APEX2: variants seen among roughly 807,000 people sequenced by gnomAD.
APEX2 encodes DNA-(apurinic or apyrimidinic site) endonuclease 2.
A neutral mutation model predicts 16.7 loss-of-function variants in APEX2; 4 were observed. That is an observed-to-expected ratio of 0.24 (90% CI 0.12 to 0.55). The LOEUF (loss-of-function observed/expected upper bound fraction) is 0.55, where lower values mean the gene tolerates loss of function less well. Ranked by LOEUF, APEX2 falls within the 20% of genes least tolerant of loss-of-function variation. The pLI, the probability that APEX2 is intolerant of heterozygous loss-of-function variation, is 0.94. For missense variants in APEX2, 357 were observed against 433.6 expected (o/e 0.82, Z 1.57); for synonymous variants, 181 against 166.9 (o/e 1.08, Z -0.65).
chrX:55,004,479 C>T (rs958593945), intron 5 of APEX2, among the ~76,000 whole-genome samples: 1 of 111,914 alleles, frequency 8.9e-6, no homozygotes, highest in Non-Finnish European at 1.9e-5. Context: ...TCCACATTGC[C>T]TTGGTCATTT....
chrX:55,003,887 G>T lies in APEX2; in HGVS notation c.639+19G>T. The T allele has an allele frequency of 8.3e-7, 1 of 1,202,695 alleles. No homozygotes were observed. Among genetic ancestry groups the T allele is most frequent in the East Asian group, 3.0e-5 (1 of 33,833 alleles). On this transcript the variant is annotated intron_variant, in intron 5 of 5. Coordinates refer to ENST00000374987, the MANE Select transcript of APEX2 (RefSeq NM_014481.4). ...CAACCTGGTAAGGCTCCCTCTAGGT[G>T]CCTGGCCCCACTCCTGACTGATTCT... is the stretch of plus-strand genomic sequence containing the variant.
At chrX:55,002,516 A>G (rs1935457821) in intron 3 of APEX2, 85 bp downstream of exon 3, 2 of 1,046,570 alleles carry the variant, frequency 1.9e-6, no homozygotes, top group Non-Finnish European at 2.5e-6. Context: ...ATGTAAACAT[A>G]CATGCACCGT....
At position 55,003,046 on chromosome X, in the gene APEX2, C is replaced by T. The variant is rs368718814; in HGVS notation, c.507C>T (p.Val169=). 9 of 1,210,605 alleles carry T rather than the reference C, an allele frequency of 7.4e-6. No individual in the cohort carries two copies. In the African/African-American group the frequency reaches 8.7e-5, roughly 12 times the overall value. ...HADPGRPERL[V]FKMRFYRLLQ... is the part of the protein sequence containing the mutation. ...ACCCTGGGAGGCCTGAGCGGCTAGT[C>T]TTTAAGATGCGCTTCTATCGTTTGC... is the stretch of plus-strand genomic sequence containing the variant. The change falls in exon 4 of 6, where the codon GTC becomes GTT. Residue 169 remains valine (V), a synonymous_variant. Coordinates refer to ENST00000374987, the MANE Select transcript of APEX2 (RefSeq NM_014481.4).
rs888992079 is a variant in APEX2 at position 55,003,221 on chromosome X, A to G, written c.569+113A>G. The G allele has an allele frequency of 1.6e-5, 15 of 951,558 alleles. No individual in the cohort carries two copies. The African/African-American group carries it at 2.6e-4, about 16-fold the overall frequency. 78.4% of individuals were successfully genotyped at this position (951,558 alleles called of 1,213,427 possible). ...CTTTGTCTCTGAGTTCTTTCACAGCATAGTTGCAAACACCAATATGCCCAC... is the reference window on the plus strand; with the variant it reads ...CTTTGTCTCTGAGTTCTTTCACAGCGTAGTTGCAAACACCAATATGCCCAC... On this transcript the variant is annotated intron_variant, in intron 4 of 5. Transcript: ENST00000374987.
chrX:55,002,868 C>T lies in APEX2; in HGVS notation c.423-94C>T. ...TCTTTAACCCCTTTCTTTTCCATCC[C>T]AGACAGTCACAAAATGGAAGCCATG... On this transcript the variant is annotated intron_variant, in intron 3 of 5. Coordinates refer to ENST00000374987, the MANE Select transcript of APEX2 (RefSeq NM_014481.4). The T allele has an allele frequency of 2.0e-6, 2 of 1,019,766 alleles. 1 individual carries two copies. The allele number at this position is 1,019,766 out of a possible 1,213,427, so 84.0% of individuals were successfully genotyped here.
intron 3 of APEX2, 93 bp from the exon 4 acceptor site, chrX:55,002,869 A>G: frequency 4.9e-6 from 5 of 1,022,425 alleles, no homozygotes; most frequent in Admixed American, 3.1e-5. Flanking sequence ...TTTCCATCCC[A>G]GACAGTCACA....
At position 55,000,381 on chromosome X, in the gene APEX2, G is replaced by C. The variant is rs780638793; in HGVS notation, c.-42G>C. On this transcript the variant is annotated 5_prime_UTR_variant, in exon 1 of 6. Transcript: ENST00000374987. Reference sequence around the variant, plus strand: ...TCTGAACAGGAAGCAGTTCGCTCGCGCCTAGGTTGGCGCGGGCTGGGAGGT... The same window carrying C: ...TCTGAACAGGAAGCAGTTCGCTCGCCCCTAGGTTGGCGCGGGCTGGGAGGT... The C allele has an allele frequency of 2.6e-5, 29 of 1,116,166 alleles. No homozygotes were observed. In the South Asian group the frequency reaches 5.7e-4, roughly 22 times the overall value. The allele number at this position is 1,116,166 out of a possible 1,213,427, so 92.0% of individuals were successfully genotyped here.
In APEX2 at chrX:55,007,314, G is replaced by A. The variant is rs1462893244; in HGVS notation, c.1436G>A (p.Arg479His). 6 of 1,209,348 alleles carry A rather than the reference G, an allele frequency of 5.0e-6. No individual in the cohort carries two copies. The highest frequency in any genetic ancestry group is 5.9e-5 in the East Asian group (2 of 33,746). The change falls in exon 6 of 6, where the codon CGT becomes CAT. Residue 479 changes from arginine to histidine, a missense_variant. Coordinates refer to ENST00000374987, the MANE Select transcript of APEX2 (RefSeq NM_014481.4). ...CGGHREPCVM[R>H]TVKKPGPNLG... ...GGCCACAGGGAGCCATGTGTGATGC[G>A]TACTGTGAAGAAGCCAGGACCCAAC...
intron 4 of APEX2, among the ~76,000 whole-genome samples, chrX:55,003,492 G>A (rs1368632791): frequency 8.9e-6 from 1 of 112,330 alleles, no homozygotes; most frequent in African/African-American, 3.2e-5. Context: ...GTGGGTTAGA[G>A]CAATCAAGGG....
intron 5 of APEX2, among the ~76,000 whole-genome samples, chrX:55,004,895 G>A (rs950716106): frequency 9.0e-6 from 1 of 111,478 alleles, no homozygotes; most frequent in Admixed American, 9.5e-5. Flanking sequence ...GTAGTGGCAC[G>A]TTCTAAAAGC....
At chrX:55,005,906 G>T (rs1199628053) in intron 5 of APEX2, among the ~76,000 whole-genome samples, 1 of 110,540 alleles carries the variant, frequency 9.0e-6, no homozygotes. Context: ...TTTGTCCCTG[G>T]CATCATGCAT....
rs1399500336 is a variant in APEX2, at chrX:55,002,239, G to T, written c.242-12G>T. ...CTGCCAGGTCTGCTCAGAGTGCCCT[G>T]TCTGTTCCCAGGTGTAGCCACCTTC... On this transcript the variant is annotated splice_polypyrimidine_tract_variant and intron_variant, in intron 2 of 5. Coordinates refer to ENST00000374987, the MANE Select transcript of APEX2 (RefSeq NM_014481.4). 1 of 1,182,571 alleles carries T rather than the reference G, an allele frequency of 8.5e-7. No homozygotes were observed. The highest frequency in any genetic ancestry group is 3.0e-5 in the East Asian group (1 of 33,432).
chrX:55,000,713 T>C (rs1372611070), intron 1 of APEX2, 134 bp downstream of exon 1: 1 of 751,454 alleles, frequency 1.3e-6, no homozygotes, highest in Admixed American at 4.7e-5. Context: ...CCCTTCCCTC[T>C]TAAACTTCCA....
At chrX:55,005,205 G>A (rs1226560969) in intron 5 of APEX2, among the ~76,000 whole-genome samples, 3 of 112,000 alleles carry the variant, frequency 2.7e-5, no homozygotes, top group Admixed American at 1.9e-4. Flanking sequence ...GCTACAAAGT[G>A]TGAGCCTTCA....
chrX:55,000,700 G>C (rs185394253), intron 1 of APEX2, 121 bp downstream of exon 1: 1 of 835,834 alleles, frequency 1.2e-6, no homozygotes, highest in Middle Eastern at 3.0e-4. Flanking sequence ...CTTAGACCCA[G>C]GTCCCTTCCC....
At chrX:55,002,169 T>G in intron 2 of APEX2, 82 bp from the exon 3 acceptor site, 11 of 956,037 alleles carry the variant, frequency 1.2e-5, no homozygotes, top group Non-Finnish European at 1.5e-5. Flanking sequence ...AGATGACTTG[T>G]GTGGGGACAA....
In APEX2 at chrX:55,007,333, A is replaced by G; in HGVS notation, c.1455A>G (p.Gly485=). 1.7e-6 allele frequency: 2 copies of G among 1,207,863 alleles called. No homozygotes were observed. Among genetic ancestry groups the G allele is most frequent in the Non-Finnish European group, 2.2e-6 (2 of 892,829 alleles). ...TGATGCGTACTGTGAAGAAGCCAGG[A>G]CCCAACTTGGGCCGCCGCTTCTACA... ...PCVMRTVKKP[G]PNLGRRFYMC... The change falls in exon 6 of 6, where the codon GGA becomes GGG. Residue 485 remains glycine, a synonymous_variant. Transcript: ENST00000374987.
Position 55,002,965 on chromosome X carries a change from A to G in APEX2, c.426A>G (p.Thr142=), listed in dbSNP as rs750702852. The change falls in exon 4 of 6, where the codon ACA becomes ACG. Residue 142 remains threonine, a synonymous_variant. Transcript: ENST00000374987. ...TGGGGGTTTCTCTTTTCTCCAGCACATGGGAAGGTAAGGAGAAGACCTTGA... is the reference window on the plus strand; with the variant it reads ...TGGGGGTTTCTCTTTTCTCCAGCACGTGGGAAGGTAAGGAGAAGACCTTGA... ...RALLTQHKIR[T]WEGKEKTLTL... The G allele has an allele frequency of 2.5e-6, 3 of 1,209,197 alleles. No individual in the cohort carries two copies. The highest frequency in any genetic ancestry group is 3.4e-6 in the Non-Finnish European group (3 of 894,054).
chrX:55,001,513 C>T, intron 1 of APEX2, 33 bp from the exon 2 acceptor site: 9 of 1,122,020 alleles, frequency 8.0e-6, no homozygotes, highest in Non-Finnish European at 1.1e-5. Context: ...GCTAGTTTTA[C>T]CTCTGACTTA....
Sources: allele counts gnomAD v4.1 joint callset (sites outside exome capture counted in the v4.1 genomes callset), GRCh38; gene constraint gnomAD v4.1.1; transcripts MANE v1.5; gene names NCBI Gene and HGNC (gene_info 2026-07-23, HGNC 2026-07-21).